The following GNAO1 variants were observed in gnomAD, a reference collection of about 807,000 sequenced individuals.
The protein encoded by GNAO1 is guanine nucleotide-binding protein G(o) subunit alpha.
For synonymous variants in GNAO1, 164 were observed against 180.7 expected, an observed-to-expected ratio of 0.91 and a Z score of 0.74; for missense variants, 166 against 478.7, an observed-to-expected ratio of 0.35 and a Z score of 6.10.
At chr16:56,209,736 C>CT (rs149651885) in intron 2 of GNAO1, among the ~76,000 whole-genome samples, 3 of 152,052 alleles carry the variant, frequency 2.0e-5, no homozygotes, top group South Asian at 2.1e-4. Flanking sequence ...GTAATTGCTT[C>CT]TTTTTTTTAA....
intron 2 of GNAO1, among the ~76,000 whole-genome samples, chr16:56,253,533 A>G (rs574780986): frequency 4.6e-5 from 7 of 152,352 alleles, no homozygotes; most frequent in African/African-American, 1.4e-4. Context: ...TTTGAGTGAA[A>G]GATGAAAATA....
chr16:56,271,456 A>T (rs891681418), intron 2 of GNAO1, among the ~76,000 whole-genome samples: 1 of 152,170 alleles, frequency 6.6e-6, no homozygotes, highest in African/African-American at 2.4e-5. Flanking sequence ...TGAAAATGCT[A>T]TTATTTTTTT....
chr16:56,270,074 G>A (rs1015930482), intron 2 of GNAO1, among the ~76,000 whole-genome samples: 25 of 152,156 alleles, frequency 1.6e-4, no homozygotes, highest in African/African-American at 4.6e-4. Context: ...GAGGTGCGGG[G>A]AGAACCAGGG....
chr16:56,238,907 G>C (rs2036667950), intron 2 of GNAO1, among the ~76,000 whole-genome samples: 1 of 152,204 alleles, frequency 6.6e-6, no homozygotes, highest in African/African-American at 2.4e-5. Context: ...TTAAACAAAA[G>C]CTAGTATCAA....
intron 2 of GNAO1, 25 bp from the exon 3 acceptor site, chr16:56,275,906 T>A: frequency 6.2e-7 from 1 of 1,603,124 alleles, no homozygotes; most frequent in Non-Finnish European, 8.5e-7. Context: ...TCTCATCAGG[T>A]GTGGTGTGTG....
chr16:56,332,594 C>T (rs935434847), intron 4 of GNAO1, among the ~76,000 whole-genome samples: 3 of 152,344 alleles, frequency 2.0e-5, no homozygotes, highest in South Asian at 4.1e-4. Context: ...GGGGCTGTGT[C>T]GACTGCCCCA....
intron 3 of GNAO1, 55 bp from the exon 4 acceptor site, chr16:56,328,576 G>C: frequency 6.3e-7 from 1 of 1,576,910 alleles, no homozygotes; most frequent in Non-Finnish European, 8.7e-7. Flanking sequence ...TTGGCTGGCA[G>C]AGGTCTTCTG....
intron 2 of GNAO1, among the ~76,000 whole-genome samples, chr16:56,221,330 C>T (rs973498125): frequency 4.3e-4 from 65 of 152,162 alleles, no homozygotes; most frequent in African/African-American, 1.6e-3. Flanking sequence ...CCACACCCTG[C>T]CTCAAGTGTT....
chr16:56,344,665 A>G lies in GNAO1; in HGVS notation c.724-6719A>G, dbSNP rs575565080. 562 of 985,320 alleles carry G rather than the reference A, an allele frequency of 5.7e-4. 1 individual carries two copies. Among genetic ancestry groups the G allele is most frequent in the Non-Finnish European group, 6.5e-4 (543 of 830,036 alleles). The allele number at this position is 985,320 out of a possible 1,614,324, so 61.0% of individuals were successfully genotyped here. A position where few individuals can be genotyped will look rare whatever the true frequency, so the allele number is the denominator to read the frequency against. On this transcript the variant is annotated intron_variant, in intron 6 of 8. Coordinates refer to ENST00000262493, the MANE Select transcript of GNAO1 (RefSeq NM_020988.3). ...TGGAGCGGGGGGAGGGAGAGATGGG[A>G]GGTGCGGGGAAGGGAGGTGGAAGCT...
intron 2 of GNAO1, among the ~76,000 whole-genome samples, chr16:56,209,872 T>C (rs1213833182): frequency 6.6e-6 from 1 of 152,090 alleles, no homozygotes; most frequent in Non-Finnish European, 1.5e-5. Context: ...GTTATTCCAG[T>C]TGATGAACCT....
chr16:56,313,391 A>G (rs1009585884), intron 3 of GNAO1, among the ~76,000 whole-genome samples: 26 of 152,186 alleles, frequency 1.7e-4, no homozygotes, highest in African/African-American at 6.3e-4. Flanking sequence ...GAAAATAACT[A>G]TAAGTCCATT....
rs1208705340 is a variant in GNAO1, at chr16:56,207,457, G to A, written c.161+14841G>A. ...AACATGATTTATTTAAGGTGATGTG[G>A]CCAGTACGTGGTAGAACTAGAGCCT... On this transcript the variant is annotated intron_variant, in intron 2 of 8. Coordinates refer to ENST00000262493, the MANE Select transcript of GNAO1 (RefSeq NM_020988.3). Among the ~76,000 whole-genome samples, 4 of 152,202 alleles carry A rather than the reference G, an allele frequency of 2.6e-5. No individual in the cohort carries two copies. The East Asian group carries it at 7.7e-4, about 29-fold the overall frequency.
At chr16:56,217,604 G>C (rs2036447549) in intron 2 of GNAO1, among the ~76,000 whole-genome samples, 1 of 152,172 alleles carries the variant, frequency 6.6e-6, no homozygotes, top group South Asian at 2.1e-4. Flanking sequence ...CTGGGTAAGG[G>C]GGTTACATTT....
At chr16:56,261,720 G>A (rs1007709880) in intron 2 of GNAO1, among the ~76,000 whole-genome samples, 19 of 152,082 alleles carry the variant, frequency 1.2e-4, no homozygotes, top group African/African-American at 3.9e-4. Flanking sequence ...TGGCTCAGCC[G>A]CTGCAAAATG....
intron 2 of GNAO1, among the ~76,000 whole-genome samples, chr16:56,200,006 A>G (rs2036268214): frequency 1.3e-5 from 2 of 152,236 alleles, no homozygotes; most frequent in African/African-American, 2.4e-5. Context: ...ACATAAGACT[A>G]GGATTTCATA....
intron 3 of GNAO1, among the ~76,000 whole-genome samples, chr16:56,304,702 G>A (rs112008577): frequency 3.3e-5 from 5 of 152,292 alleles, no homozygotes; most frequent in African/African-American, 9.6e-5. Flanking sequence ...ATATTAGTGG[G>A]TTTGAAATTT....
chr16:56,217,890 G>A (rs1199083789), intron 2 of GNAO1, among the ~76,000 whole-genome samples: 1 of 152,106 alleles, frequency 6.6e-6, no homozygotes, highest in Non-Finnish European at 1.5e-5. Flanking sequence ...AATCAAATAG[G>A]AGAGACAAAA....
In GNAO1 at chr16:56,275,892, A is replaced by G. The variant is rs774491938; in HGVS notation, c.162-39A>G. The stretch of plus-strand genomic sequence containing the variant: ...TGTGCTCTCTGTGTTGATGAGGACA[A>G]TGCTCTCATCAGGTGTGGTGTGTGT... On this transcript the variant is annotated intron_variant, in intron 2 of 8. Transcript: ENST00000262493. 10 of 1,576,870 alleles carry G rather than the reference A, an allele frequency of 6.3e-6. No individual in the cohort carries two copies. The South Asian group carries it at 8.2e-5, about 13-fold the overall frequency.
intron 2 of GNAO1, among the ~76,000 whole-genome samples, chr16:56,272,624 G>A (rs1190776297): frequency 2.0e-5 from 3 of 152,214 alleles, no homozygotes; most frequent in Non-Finnish European, 2.9e-5. Flanking sequence ...CTGTGAGCTT[G>A]GAGACCTGTA....
Sources: allele counts gnomAD v4.1 joint callset (sites outside exome capture counted in the v4.1 genomes callset), GRCh38; gene constraint gnomAD v4.1.1; transcripts MANE v1.5; gene names NCBI Gene and HGNC (gene_info 2026-07-23, HGNC 2026-07-21).